ESR1: variants seen among roughly 807,000 people sequenced by gnomAD.
The protein encoded by ESR1 is estrogen receptor.
A neutral mutation model predicts 52.7 loss-of-function variants in ESR1; 12 were observed. The ratio of observed to expected loss-of-function variants is 0.23; its 90% CI spans 0.15 to 0.37. ESR1 has a LOEUF of 0.37. Among genes scored for constraint, ESR1 ranks in the 10% least tolerant of loss-of-function variants. ESR1 has a pLI of 1.00. For synonymous variants in ESR1, 305 were observed against 316.8 expected (o/e 0.96, Z 0.39); for missense variants, 584 against 779.7 (o/e 0.75, Z 2.99).
At chr6:151,714,982 A>G (rs1780915283) in intron 2 of ESR1, among the ~76,000 whole-genome samples, 1 of 152,080 alleles carries the variant, frequency 6.6e-6, no homozygotes. Flanking sequence ...TACCAGTTTT[A>G]CCTTTCCATA....
At chr6:152,128,348 A>G (rs903200534) in exon 7 of ESR1, 2 of 152,238 alleles carry the variant, frequency 1.3e-5, no homozygotes, top group African/African-American at 2.4e-5. Flanking sequence ...GTAACGATTT[A>G]GGGAATCTCT....
intron 6 of ESR1, among the ~76,000 whole-genome samples, chr6:152,123,967 A>G (rs1014861563): frequency 3.9e-5 from 6 of 152,248 alleles, no homozygotes; most frequent in African/African-American, 1.4e-4. Flanking sequence ...TTAAAAACAG[A>G]TAGAATCCCC....
intron 2 of ESR1, among the ~76,000 whole-genome samples, chr6:151,879,783 G>T (rs796137381): frequency 1.8e-4 from 28 of 152,232 alleles, no homozygotes; most frequent in African/African-American, 6.5e-4. Flanking sequence ...CAGGTAGCTT[G>T]CTCAGAGTTC....
At chr6:151,885,477 T>C (rs1434768215) in intron 3 of ESR1, among the ~76,000 whole-genome samples, 1 of 152,230 alleles carries the variant, frequency 6.6e-6, no homozygotes, top group East Asian at 1.9e-4. Flanking sequence ...AAGATAAATG[T>C]GTTCAAATGC....
chr6:151,866,205 C>T (rs1312626452), intron 2 of ESR1, among the ~76,000 whole-genome samples: 1 of 152,204 alleles, frequency 6.6e-6, no homozygotes, highest in African/African-American at 2.4e-5. Context: ...AAATATAGAA[C>T]ATTTCTTCTT....
At chr6:151,664,658 G>C (rs1052624619) in intron 1 of ESR1, among the ~76,000 whole-genome samples, 1 of 152,180 alleles carries the variant, frequency 6.6e-6, no homozygotes, top group African/African-American at 2.4e-5. Context: ...GTTTTTCTCA[G>C]CCCAGAGTGC....
At chr6:151,821,087 C>G (rs1223646321) in intron 1 of ESR1, among the ~76,000 whole-genome samples, 1 of 151,922 alleles carries the variant, frequency 6.6e-6, no homozygotes, top group African/African-American at 2.4e-5. Context: ...AGGAACTTCC[C>G]CCAAAGTTTC....
chr6:151,943,221 A>T lies in ESR1; in HGVS notation c.761-952A>T, dbSNP rs1288547448. ...CGGCGAAACCCCGTCTCTACTAAAA[A>T]TACAAAAAATTAGCCGGGCATGGTG... On this transcript the variant is annotated intron_variant, in intron 3 of 7. Coordinates refer to ENST00000206249, the MANE Select transcript of ESR1 (RefSeq NM_000125.4). Among the ~76,000 whole-genome samples the T allele has an allele frequency of 5.3e-5, 8 of 152,124 alleles. No homozygotes were observed. The East Asian group carries it at 1.5e-3, about 29-fold the overall frequency.
At chr6:151,827,105 C>A (rs1781629059) in intron 1 of ESR1, among the ~76,000 whole-genome samples, 1 of 152,022 alleles carries the variant, frequency 6.6e-6, no homozygotes, top group East Asian at 1.9e-4. Flanking sequence ...AGATGGGTCA[C>A]CTGAGCCCAG....
chr6:151,882,859 G>T (rs1179246753), intron 3 of ESR1, among the ~76,000 whole-genome samples: 1 of 151,756 alleles, frequency 6.6e-6, no homozygotes, highest in Non-Finnish European at 1.5e-5. Flanking sequence ...TATATGCAAA[G>T]ACATAATAAA....
intron 4 of ESR1, among the ~76,000 whole-genome samples, chr6:151,985,634 A>G (rs1461167117): frequency 1.3e-5 from 2 of 151,478 alleles, no homozygotes; most frequent in African/African-American, 2.4e-5. Flanking sequence ...GTCTTATACC[A>G]TGTCGGATGG....
intron 6 of ESR1, among the ~76,000 whole-genome samples, chr6:152,113,868 A>G (rs1053894293): frequency 1.2e-4 from 18 of 152,204 alleles, no homozygotes; most frequent in African/African-American, 4.1e-4. Flanking sequence ...ACTGAGGAAT[A>G]GAAAGTTTAA....
intron 2 of ESR1, among the ~76,000 whole-genome samples, chr6:151,726,769 C>A (rs1781878106): frequency 6.6e-6 from 1 of 152,176 alleles, no homozygotes; most frequent in Admixed American, 6.5e-5. Context: ...TCTATGGATT[C>A]TTTTGGATTT....
At chr6:151,956,738 AC>A (rs1396622098) in intron 4 of ESR1, among the ~76,000 whole-genome samples, 57 of 150,424 alleles carry the variant, frequency 3.8e-4, no homozygotes, top group Admixed American at 1.9e-3. Context: ...TCCAAAAAAA[AC>A]AACCCTTCTC....
chr6:151,658,950 C>A (rs1777545072), intron 1 of ESR1, among the ~76,000 whole-genome samples: 1 of 152,166 alleles, frequency 6.6e-6, no homozygotes, highest in Non-Finnish European at 1.5e-5. Context: ...TGAAGATGGC[C>A]AGTCTAAGGC....
intron 4 of ESR1, among the ~76,000 whole-genome samples, chr6:152,002,417 G>A (rs1400844161): frequency 6.6e-6 from 1 of 151,922 alleles, no homozygotes; most frequent in African/African-American, 2.4e-5. Context: ...CAGTTATCTG[G>A]AAAATGCAGA....
At chr6:151,869,839 T>A (rs1311732741) in intron 2 of ESR1, among the ~76,000 whole-genome samples, 1 of 152,212 alleles carries the variant, frequency 6.6e-6, no homozygotes, top group African/African-American at 2.4e-5. Flanking sequence ...AGATGTCTCT[T>A]GGAGGTGGTG....
intron 2 of ESR1, among the ~76,000 whole-genome samples, chr6:151,778,024 A>G (rs1159377021): frequency 6.6e-6 from 1 of 152,198 alleles, no homozygotes; most frequent in Non-Finnish European, 1.5e-5. Context: ...GTGTAAAACC[A>G]GGAAATCTAC....
chr6:151,823,970 C>G (rs1278149603), intron 1 of ESR1, among the ~76,000 whole-genome samples: 2 of 152,082 alleles, frequency 1.3e-5, no homozygotes, highest in Non-Finnish European at 2.9e-5. Flanking sequence ...GATTTATAAT[C>G]CTTTGGGTAT....
Sources: allele counts gnomAD v4.1 joint callset (sites outside exome capture counted in the v4.1 genomes callset), GRCh38; gene constraint gnomAD v4.1.1; transcripts MANE v1.5; gene names NCBI Gene and HGNC (gene_info 2026-07-23, HGNC 2026-07-21).